NFIB: variants seen among roughly 807,000 people sequenced by gnomAD.
NFIB encodes nuclear factor 1 B-type.
In NFIB, 11 loss-of-function variants were observed where a neutral mutation model predicts 61.5. The observed-to-expected ratio is 0.18, with a 90% confidence interval of 0.11 to 0.30. NFIB has a LOEUF of 0.30. NFIB is among the 10% of genes least tolerant of loss of function. The pLI, the probability that NFIB is intolerant of heterozygous loss-of-function variation, is 1.00. For synonymous variants in NFIB, 260 were observed against 216.5 expected (o/e 1.20, Z -1.76); for missense variants, 471 against 608.9 (o/e 0.77, Z 2.38).
intron 1 of NFIB, among the ~76,000 whole-genome samples, chr9:14,308,503 A>C (rs763903258): frequency 3.1e-4 from 47 of 152,352 alleles, no homozygotes; most frequent in Middle Eastern, 3.4e-3. Context: ...TGAGTATAGC[A>C]ATTATTCTAA....
At chr9:14,300,084 T>C in intron 2 of NFIB, 1 of 397,828 alleles carries the variant, frequency 2.5e-6, no homozygotes, top group Non-Finnish European at 4.4e-6. Context: ...TGATGATTTA[T>C]TCTCTATGCC....
intron 1 of NFIB, among the ~76,000 whole-genome samples, chr9:14,353,492 G>A (rs1283634174): frequency 6.6e-6 from 1 of 152,174 alleles, no homozygotes; most frequent in Non-Finnish European, 1.5e-5. Flanking sequence ...GAGAATCTGA[G>A]CATGAGGAGG....
chr9:14,256,867 T>C (rs1468906330), intron 2 of NFIB, among the ~76,000 whole-genome samples: 1 of 152,174 alleles, frequency 6.6e-6, no homozygotes, highest in Admixed American at 6.5e-5. Flanking sequence ...GCCTTTGAAA[T>C]AGAACCAGGA....
chr9:14,425,607 A>ATTTTTTTTTTTT, the NFIB span, among the ~76,000 whole-genome samples: 2 of 99,050 alleles, frequency 2.0e-5, no homozygotes, highest in Non-Finnish European at 2.0e-5. Flanking sequence ...TTGCTACATA[A>ATTTTTTTTTTTT]TTTTTTTTTT....
intron 1 of NFIB, among the ~76,000 whole-genome samples, chr9:14,367,540 G>GAT (rs2061314562): frequency 6.6e-6 from 1 of 152,080 alleles, no homozygotes; most frequent in African/African-American, 2.4e-5. Context: ...CATGAATATG[G>GAT]GTGTGTATTT....
chr9:14,242,888 C>G (rs2054502391), intron 2 of NFIB, among the ~76,000 whole-genome samples: 1 of 152,170 alleles, frequency 6.6e-6, no homozygotes, highest in Non-Finnish European at 1.5e-5. Flanking sequence ...CTTTCACACA[C>G]AGGCTAATGA....
At chr9:14,302,348 A>G (rs2059794183) in intron 2 of NFIB, among the ~76,000 whole-genome samples, 1 of 152,212 alleles carries the variant, frequency 6.6e-6, no homozygotes, top group African/African-American at 2.4e-5. Flanking sequence ...TATTTCAAAA[A>G]CAGTAATAAT....
chr9:14,412,800 G>A, the NFIB span, among the ~76,000 whole-genome samples: 2 of 152,194 alleles, frequency 1.3e-5, no homozygotes, highest in Non-Finnish European at 2.9e-5. Context: ...CAAAGCAAAA[G>A]TAGGGGTGGG....
At chr9:14,115,909 A>G (rs1324591298) in intron 9 of NFIB, among the ~76,000 whole-genome samples, 3 of 152,230 alleles carry the variant, frequency 2.0e-5, no homozygotes, top group Non-Finnish European at 4.4e-5. Context: ...ATTTCAATGT[A>G]TACCTTGAAC....
the NFIB span, among the ~76,000 whole-genome samples, chr9:14,472,058 T>C: frequency 6.6e-6 from 1 of 152,318 alleles, no homozygotes; most frequent in East Asian, 1.9e-4. Flanking sequence ...TTCACACATG[T>C]AGAAATAGGA....
the NFIB span, among the ~76,000 whole-genome samples, chr9:14,426,131 T>C: frequency 2.0e-5 from 3 of 152,098 alleles, no homozygotes; most frequent in African/African-American, 7.2e-5. Context: ...TCCCAAATCC[T>C]CCTAAACTGT....
intron 2 of NFIB, chr9:14,300,285 G>A (rs370797985): frequency 3.0e-5 from 12 of 398,108 alleles, no homozygotes; most frequent in East Asian, 2.1e-4. Context: ...GTTTCCGATC[G>A]CATAACCACT....
At chr9:14,290,300 T>A (rs2132528959) in intron 2 of NFIB, among the ~76,000 whole-genome samples, 1 of 152,158 alleles carries the variant, frequency 6.6e-6, no homozygotes, top group Non-Finnish European at 1.5e-5. Flanking sequence ...TTTGCCAAAT[T>A]TAATATTTTT....
In NFIB at chr9:14,313,955, G is replaced by C; in HGVS notation, c.-444C>G. The C allele has an allele frequency of 9.4e-7, 1 of 1,063,718 alleles. No individual in the cohort carries two copies. Among genetic ancestry groups the C allele is most frequent in the Non-Finnish European group, 1.1e-6 (1 of 880,024 alleles). The allele number at this position is 1,063,718 out of a possible 1,614,324, so 65.9% of individuals were successfully genotyped here. A position where few individuals can be genotyped will look rare whatever the true frequency, so the allele number is the denominator to read the frequency against. ...CTTTTTCAAAAAAGGCGGGGAGGGG[G>C]GCGCGGGAGGGCGCAGGAGGGCGAG... On this transcript the variant is annotated 5_prime_UTR_variant, in exon 1 of 11. Coordinates refer to ENST00000380953, the MANE Select transcript of NFIB (RefSeq NM_001190737.2). The surrounding 1 kb of genome is among the most constrained non-coding windows in gnomAD (Gnocchi z 4.5).
the NFIB span, among the ~76,000 whole-genome samples, chr9:14,431,309 G>C: frequency 2.0e-5 from 3 of 152,136 alleles, no homozygotes; most frequent in Admixed American, 2.0e-4. Context: ...CCACTCAGTA[G>C]ATCCTGACTC....
chr9:14,105,260 A>G (rs1432542057), intron 10 of NFIB, among the ~76,000 whole-genome samples: 1 of 152,230 alleles, frequency 6.6e-6, no homozygotes, highest in Admixed American at 6.5e-5. Flanking sequence ...TATGCAATAG[A>G]AATATTTTCT....
rs2056288955 is a variant in NFIB at position 14,257,095 on chromosome 9, C to G, written c.562+49894G>C. Among the ~76,000 whole-genome samples the G allele has an allele frequency of 1.3e-5, 2 of 152,200 alleles. 1 individual carries two copies. Among genetic ancestry groups the G allele is most frequent in the South Asian group, 4.1e-4 (2 of 4,826 alleles). On this transcript the variant is annotated intron_variant, in intron 2 of 10. Transcript: ENST00000380953. ...TAGCACCCAAGGCTTTAAAGCCAGACTGTCCTGGTTCTAAATCTGACTTTG... is the reference window on the plus strand; with the variant it reads ...TAGCACCCAAGGCTTTAAAGCCAGAGTGTCCTGGTTCTAAATCTGACTTTG...
chr9:14,182,716 G>T (rs1047278040), intron 2 of NFIB, among the ~76,000 whole-genome samples: 1 of 86,110 alleles, frequency 1.2e-5, no homozygotes. Context: ...CTCTGTGTGT[G>T]TGTGTGTGTG....
intron 3 of NFIB, among the ~76,000 whole-genome samples, chr9:14,176,786 G>A (rs1028357455): frequency 6.6e-5 from 10 of 152,104 alleles, no homozygotes; most frequent in Non-Finnish European, 1.2e-4. Context: ...CCTGATGCTG[G>A]AGAAAAGCCA....
Sources: gnomAD v4.1 joint callset for allele counts (sites outside exome capture counted in the v4.1 genomes callset) on GRCh38, gnomAD v4.1.1 for gene constraint, Gnocchi (gnomAD v3.1) non-coding constraint, MANE v1.5 for transcripts, NCBI Gene and HGNC (gene_info 2026-07-23, HGNC 2026-07-21) for gene names.